The following GPR143 variants were observed in gnomAD, a reference collection of about 807,000 sequenced individuals.
GPR143 encodes G protein-coupled receptor 143, also known as G-protein coupled receptor 143.
Under a neutral mutation model 27.6 loss-of-function variants are expected in GPR143, and 8 were observed. That is an observed-to-expected ratio of 0.29 (90% CI 0.17 to 0.52). The LOEUF is 0.52. GPR143 is among the 20% of genes least tolerant of loss of function. The probability of loss-of-function intolerance (pLI) is 0.96; values close to 1 mark genes in which losing one functional copy is unlikely to be tolerated. For synonymous variants in GPR143, 156 were observed against 153.2 expected, an observed-to-expected ratio of 1.02 and a Z score of -0.13; for missense variants, 303 against 343.1, an observed-to-expected ratio of 0.88 and a Z score of 0.92.
Position 9,725,718 on chromosome X carries a change from T to C in GPR143, c.*28A>G, listed in dbSNP as rs1449609674. The C allele has an allele frequency of 7.6e-6, 8 of 1,052,737 alleles. No homozygotes were observed. The highest frequency in any genetic ancestry group is 5.5e-5 in the African/African-American group (3 of 54,136). The allele number at this position is 1,052,737 out of a possible 1,213,427, so 86.8% of individuals were successfully genotyped here. On this transcript the variant is annotated 3_prime_UTR_variant, in exon 9 of 9. Coordinates refer to ENST00000467482, the MANE Select transcript of GPR143 (RefSeq NM_000273.3). ...CAAGAATTGTTGAGTCTGAGGAATA[T>C]GGGGTCTGGACCCCCAGCACATCCC...
chrX:9,739,204 G>GA (rs2083391413), intron 8 of GPR143, among the ~76,000 whole-genome samples: 2 of 112,304 alleles, frequency 1.8e-5, no homozygotes, highest in African/African-American at 6.5e-5. Flanking sequence ...ACAACATCTG[G>GA]AAAAAAATCA....
chrX:9,764,531 CACACACACACACAG>C (rs2083518834), intron 1 of GPR143, among the ~76,000 whole-genome samples: 1 of 97,086 alleles, frequency 1.0e-5, no homozygotes, highest in African/African-American at 3.7e-5. Flanking sequence ...CACACACACA[CACACACACACACAG>C]AGCGAGACAG....
intron 3 of GPR143, among the ~76,000 whole-genome samples, chrX:9,754,501 T>A (rs988167417): frequency 2.7e-5 from 3 of 111,574 alleles, no homozygotes; most frequent in Admixed American, 9.5e-5. Flanking sequence ...TTCCAGACCC[T>A]GACTTCGGGC....
At chrX:9,745,198 T>A (rs751984162) in intron 5 of GPR143, among the ~76,000 whole-genome samples, 3 of 112,765 alleles carry the variant, frequency 2.7e-5, no homozygotes, top group Non-Finnish European at 5.6e-5. Flanking sequence ...GAGGTTGCAG[T>A]GAGCCGAGAT....
In GPR143 at chrX:9,773,664, G is replaced by A. The variant is rs183613106; in HGVS notation, c.-3+12578C>T. On this transcript the variant is annotated intron_variant, in intron 1 of 7. Coordinates refer to the GPR143 transcript ENST00000447366. The stretch of plus-strand genomic sequence containing the variant: ...GAGGCGGGTGGGTCACTTGAGCTCC[G>A]GAGTTCAAGACCAGCCTGGGCAACA... Among the ~76,000 whole-genome samples, 241 of 110,852 alleles carry A rather than the reference G, an allele frequency of 2.2e-3. 1 individual carries two copies. The highest frequency in any genetic ancestry group is 7.6e-3 in the African/African-American group (232 of 30,514).
intron 3 of GPR143, among the ~76,000 whole-genome samples, chrX:9,757,969 C>G (rs931719264): frequency 3.6e-5 from 4 of 110,436 alleles, no homozygotes; most frequent in African/African-American, 1.3e-4. Context: ...CACTGTATTG[C>G]CCAGGCTGGT....
chrX:9,778,235 A>T (rs2083577136), intron 1 of GPR143, among the ~76,000 whole-genome samples: 1 of 112,260 alleles, frequency 8.9e-6, no homozygotes, highest in Non-Finnish European at 1.9e-5. Context: ...AATATTCCTG[A>T]GGTCTTACAC....
At chrX:9,775,547 C>T (rs1224154259) in intron 1 of GPR143, among the ~76,000 whole-genome samples, 1 of 111,861 alleles carries the variant, frequency 8.9e-6, no homozygotes, top group Non-Finnish European at 1.9e-5. Context: ...CATGAGGCAC[C>T]AGCAGAGGGG....
At chrX:9,733,121 G>A (rs1368350896) in intron 8 of GPR143, among the ~76,000 whole-genome samples, 1 of 109,594 alleles carries the variant, frequency 9.1e-6, no homozygotes, top group Non-Finnish European at 1.9e-5. Flanking sequence ...GTGGGAGAAA[G>A]AAATTGTGGG....
upstream of GPR143, chrX:9,765,855 C>T: frequency 9.7e-7 from 1 of 1,033,634 alleles, no homozygotes. Context: ...TGTGCCAGGA[C>T]CCCGCCGGCC....
At position 9,741,189 on chromosome X, in the gene GPR143, C is replaced by T. The variant is rs141089822; in HGVS notation, c.885+149G>A. On this transcript the variant is annotated intron_variant, in intron 7 of 8. Transcript: ENST00000467482. Reference sequence around the variant, plus strand: ...GTCCCAGTTACTCAGGAGGCCAAGACAGAGGATTGCTTGAGCCCAGGAGTT... The same window carrying T: ...GTCCCAGTTACTCAGGAGGCCAAGATAGAGGATTGCTTGAGCCCAGGAGTT... The T allele has an allele frequency of 1.2e-3, 492 of 411,476 alleles. 2 individuals carry two copies. The East Asian group carries it at 0.019, about 16-fold the overall frequency. The allele number at this position is 411,476 out of a possible 1,213,427, so 33.9% of individuals were successfully genotyped here. A position where few individuals can be genotyped will look rare whatever the true frequency, so the allele number is the denominator to read the frequency against.
chrX:9,771,707 C>CT (rs1263459686), intron 1 of GPR143, among the ~76,000 whole-genome samples: 813 of 35,608 alleles, frequency 0.023, 17 homozygotes, highest in African/African-American at 0.058. Flanking sequence ...GGAGCATTCT[C>CT]TCTCTTTTTT....
chrX:9,738,842 C>T (rs1035621174), intron 8 of GPR143, among the ~76,000 whole-genome samples: 2 of 111,953 alleles, frequency 1.8e-5, no homozygotes, highest in Non-Finnish European at 3.8e-5. Flanking sequence ...AGGCTGGTCT[C>T]GAATTCCTGA....
At chrX:9,754,838 T>G (rs955165867) in intron 3 of GPR143, among the ~76,000 whole-genome samples, 1 of 111,123 alleles carries the variant, frequency 9.0e-6, no homozygotes, top group Non-Finnish European at 1.9e-5. Context: ...GCATTACTTT[T>G]CTCCCAGCTT....
intron 8 of GPR143, chrX:9,726,062 C>T: frequency 1.6e-6 from 1 of 608,590 alleles, no homozygotes; most frequent in Non-Finnish European, 1.9e-6. Context: ...TAAATCATTA[C>T]AACGGATGAC....
intron 6 of GPR143, among the ~76,000 whole-genome samples, chrX:9,742,706 C>G: frequency 8.9e-6 from 1 of 111,875 alleles, no homozygotes; most frequent in Middle Eastern, 4.6e-3. Context: ...TGAGGAGAGA[C>G]AAACTGCTCA....
chrX:9,738,564 C>T (rs1270147118), intron 8 of GPR143: 43 of 686,522 alleles, frequency 6.3e-5, no homozygotes, highest in Non-Finnish European at 7.3e-5. Flanking sequence ...TTTTGGTCTT[C>T]AAAGTAAACC....
chrX:9,750,329 C>A (rs1408816302), intron 3 of GPR143, among the ~76,000 whole-genome samples: 1 of 111,745 alleles, frequency 8.9e-6, no homozygotes, highest in African/African-American at 3.3e-5. Context: ...CCCACCTAAG[C>A]CTCCCAAGTA....
At chrX:9,763,845 C>G (rs905599117) in intron 1 of GPR143, among the ~76,000 whole-genome samples, 4 of 112,198 alleles carry the variant, frequency 3.6e-5, no homozygotes, top group African/African-American at 1.3e-4. Context: ...CTTTCTCAGT[C>G]CAATATTCAC....
Sources: gnomAD v4.1 joint callset for allele counts (sites outside exome capture counted in the v4.1 genomes callset) on GRCh38, gnomAD v4.1.1 for gene constraint, MANE v1.5 for transcripts, NCBI Gene and HGNC (gene_info 2026-07-23, HGNC 2026-07-21) for gene names.